SLBP: variants seen among roughly 807,000 people sequenced by gnomAD.
SLBP encodes the protein stem-loop histone mRNA binding protein, also known as histone RNA hairpin-binding protein.
Under a neutral mutation model 39.2 loss-of-function variants are expected in SLBP, and 29 were observed. That is an observed-to-expected ratio of 0.74 (90% confidence interval 0.55 to 1.01). The LOEUF is 1.01. Ranked by LOEUF, SLBP falls within the 50% of genes least tolerant of loss-of-function variation. The pLI is 0.00. For missense variants in SLBP, 390 were observed against 350.2 expected (o/e 1.11, Z -0.91); for synonymous variants, 129 against 118.7 (o/e 1.09, Z -0.57).
At chr4:1,709,362 T>C (rs527296749) in intron 2 of SLBP, among the ~76,000 whole-genome samples, 12 of 152,346 alleles carry the variant, frequency 7.9e-5, no homozygotes, top group African/African-American at 2.9e-4. Flanking sequence ...AGCCTCCTAA[T>C]TGCCATCATG....
intron 2 of SLBP, among the ~76,000 whole-genome samples, chr4:1,706,338 A>G (rs1267674104): frequency 6.6e-6 from 1 of 152,218 alleles, no homozygotes; most frequent in Non-Finnish European, 1.5e-5. Flanking sequence ...GGGCGCATGT[A>G]ATTAATAATT....
chr4:1,702,463 A>AG (rs1416284598), intron 3 of SLBP, among the ~76,000 whole-genome samples: 2 of 152,352 alleles, frequency 1.3e-5, no homozygotes, highest in East Asian at 3.9e-4. Context: ...CAGGTAGTCT[A>AG]GGTATCGTTC....
intron 7 of SLBP, among the ~76,000 whole-genome samples, chr4:1,694,039 CT>C (rs1376333119): frequency 1.3e-5 from 2 of 152,228 alleles, no homozygotes; most frequent in Admixed American, 6.5e-5. Context: ...CAAATAGTGG[CT>C]GTCTCAGGAC....
At chr4:1,701,151 T>TTC (rs1484321728) in intron 3 of SLBP, among the ~76,000 whole-genome samples, 2 of 147,652 alleles carry the variant, frequency 1.4e-5, no homozygotes, top group East Asian at 2.0e-4. Flanking sequence ...TTTTTCTTTT[T>TTC]TTTTTTTTTT....
chr4:1,704,550 C>T (rs146740047), intron 2 of SLBP, among the ~76,000 whole-genome samples: 7 of 152,224 alleles, frequency 4.6e-5, no homozygotes, highest in East Asian at 1.9e-4. Flanking sequence ...TAACAAAGCC[C>T]GAGTTTCACA....
At chr4:1,695,914 T>G (rs1033437510) in intron 6 of SLBP, among the ~76,000 whole-genome samples, 2 of 152,204 alleles carry the variant, frequency 1.3e-5, no homozygotes, top group Non-Finnish European at 2.9e-5. Flanking sequence ...ATTGTAATTT[T>G]TAGGGGAAAA....
chr4:1,710,925 C>T (rs1347495257), intron 2 of SLBP, among the ~76,000 whole-genome samples: 2 of 151,946 alleles, frequency 1.3e-5, no homozygotes, highest in Non-Finnish European at 2.9e-5. Flanking sequence ...GTGGCATGCG[C>T]CTGTAATCCT....
intron 7 of SLBP, 124 bp from the exon 8 acceptor site, chr4:1,693,837 C>T (rs1431177681): frequency 1.6e-5 from 11 of 669,980 alleles, no homozygotes; most frequent in African/African-American, 7.1e-5. Flanking sequence ...GTACACTTCA[C>T]GTGCAACTGA....
At position 1,712,150 on chromosome 4, in the gene SLBP, GCT is replaced by G; in HGVS notation, c.37_38del (p.Ser13ProfsTer5). On this transcript the variant is annotated frameshift_variant, in exon 1 of 8. Transcript: ENST00000489418. LOFTEE classifies it high-confidence loss of function. ...CRPRSPPRHQSRCDGDASPPS... is the reference protein window; with the variant it reads ...CRPRSPPRHQXRCDGDASPPS... Reference sequence around the variant, plus strand: ...CTCACCTGGCGTCACCGTCGCAGCGGCTCTGATGCCTCGGCGGGCTTCGCGGG... The same window carrying G: ...CTCACCTGGCGTCACCGTCGCAGCGGCTGATGCCTCGGCGGGCTTCGCGGG... 8.1e-7 allele frequency: 1 copy of G among 1,235,790 alleles called. No individual in the cohort carries two copies. Among genetic ancestry groups the G allele is most frequent in the Non-Finnish European group, 1.0e-6 (1 of 992,100 alleles). The allele number at this position is 1,235,790 out of a possible 1,614,324, so 76.6% of individuals were successfully genotyped here.
At chr4:1,712,029 C>T (rs754559998) in intron 1 of SLBP, 39 bp from the exon 2 acceptor site, 29 of 1,257,084 alleles carry the variant, frequency 2.3e-5, no homozygotes, top group Non-Finnish European at 2.7e-5. Context: ...ACGGGAGGTT[C>T]GGGACCGCCT....
chr4:1,700,078 C>A lies in SLBP; in HGVS notation c.282-8G>T, dbSNP rs773093804. On this transcript the variant is annotated splice_region_variant and splice_polypyrimidine_tract_variant and intron_variant, in intron 3 of 7. Coordinates refer to ENST00000489418, the MANE Select transcript of SLBP (RefSeq NM_006527.4). The stretch of plus-strand genomic sequence containing the variant: ...AGGAGTTTCCTTTTATATCTGAGGG[C>A]AAAATAAATATTGCTGTTTTTAAAA... 8 of 1,574,520 alleles carry A rather than the reference C, an allele frequency of 5.1e-6. No individual in the cohort carries two copies. The highest frequency in any genetic ancestry group is 7.0e-6 in the Non-Finnish European group (8 of 1,150,140).
At chr4:1,706,771 G>T (rs1217684553) in intron 2 of SLBP, among the ~76,000 whole-genome samples, 2 of 148,832 alleles carry the variant, frequency 1.3e-5, no homozygotes, top group Non-Finnish European at 1.5e-5. Flanking sequence ...CGGAGTTGCA[G>T]TGAGCCGAGA....
In SLBP at chr4:1,694,449, T is replaced by C. The variant is rs541293798; in HGVS notation, c.696+325A>G. Reference sequence around the variant, plus strand: ...CTCTGTTGCCCAGGCTGGAGTGCAATGGCGCCATCTCAGCTCACTGCAACC... The same window carrying C: ...CTCTGTTGCCCAGGCTGGAGTGCAACGGCGCCATCTCAGCTCACTGCAACC... On this transcript the variant is annotated intron_variant, in intron 7 of 7. Transcript: ENST00000489418. 2.4e-4 allele frequency among the ~76,000 whole-genome samples: 37 copies of C among 151,180 alleles called. No homozygotes were observed. In the South Asian group the frequency reaches 7.7e-3, roughly 32 times the overall value.
rs1337375510 is a variant in SLBP, at chr4:1,712,193, G to A, written c.-5C>T. On this transcript the variant is annotated 5_prime_UTR_variant, in exon 1 of 8. Transcript: ENST00000489418. ...GCTTCGCGGGCGGCAGGCCATGGCAGCACGGGCCGGGCGCGCAGCGCAGGG... is the reference window on the plus strand; with the variant it reads ...GCTTCGCGGGCGGCAGGCCATGGCAACACGGGCCGGGCGCGCAGCGCAGGG... 4 of 1,245,626 alleles carry A rather than the reference G, an allele frequency of 3.2e-6. No individual in the cohort carries two copies. Among genetic ancestry groups the A allele is most frequent in the Non-Finnish European group, 4.0e-6 (4 of 999,740 alleles). The allele number at this position is 1,245,626 out of a possible 1,614,324, so 77.2% of individuals were successfully genotyped here. A position where few individuals can be genotyped will look rare whatever the true frequency, so the allele number is the denominator to read the frequency against.
rs1254832114 is a variant in SLBP at position 1,712,271 on chromosome 4, A to G, written c.-83T>C. On this transcript the variant is annotated 5_prime_UTR_variant, in exon 1 of 8. Coordinates refer to ENST00000489418, the MANE Select transcript of SLBP (RefSeq NM_006527.4). Reference sequence around the variant, plus strand: ...CAGAGAGCGCAGAGTAGAGCAGGGCAGGGCCTGAGGCAGAAACCCGCGTCC... The same window carrying G: ...CAGAGAGCGCAGAGTAGAGCAGGGCGGGGCCTGAGGCAGAAACCCGCGTCC... 3.4e-6 allele frequency: 3 copies of G among 872,120 alleles called. No individual in the cohort carries two copies. Among genetic ancestry groups the G allele is most frequent in the Non-Finnish European group, 4.7e-6 (3 of 638,946 alleles). 54.0% of individuals were successfully genotyped at this position (872,120 alleles called of 1,614,324 possible). A position where few individuals can be genotyped will look rare whatever the true frequency, so the allele number is the denominator to read the frequency against.
At position 1,711,911 on chromosome 4, in the gene SLBP, C is replaced by T; in HGVS notation, c.139G>A (p.Glu47Lys). The stretch of plus-strand genomic sequence containing the variant: ...CGCTCGGCGCCGCGGTGCTCTGCCT[C>T]CTCGGCGTCTTCGGGCCTCCAGCGC... Reference protein sequence around the residue: ...GRRWRPEDAEEAEHRGAERRP... With the variant: ...GRRWRPEDAEKAEHRGAERRP... The change falls in exon 2 of 8, where the codon GAG becomes AAG. Residue 47 changes from glutamate to lysine, a missense_variant. Transcript: ENST00000489418. 7.3e-7 allele frequency: 1 copy of T among 1,367,038 alleles called. No homozygotes were observed. The highest frequency in any genetic ancestry group is 9.4e-7 in the Non-Finnish European group (1 of 1,059,094). The allele number at this position is 1,367,038 out of a possible 1,614,324, so 84.7% of individuals were successfully genotyped here.
intron 2 of SLBP, among the ~76,000 whole-genome samples, chr4:1,708,634 C>T (rs1390247731): frequency 6.6e-6 from 1 of 152,166 alleles, no homozygotes; most frequent in Non-Finnish European, 1.5e-5. Flanking sequence ...TGTGAATGAC[C>T]ATATACTACA....
At chr4:1,699,785 C>G (rs978550479) in intron 4 of SLBP, 84 bp from the exon 5 acceptor site, 1 of 1,314,036 alleles carries the variant, frequency 7.6e-7, no homozygotes, top group Non-Finnish European at 1.1e-6. Flanking sequence ...TGTCAAAACA[C>G]AATAATGGAA....
chr4:1,701,954 G>T (rs1355365426), intron 3 of SLBP, among the ~76,000 whole-genome samples: 3 of 152,122 alleles, frequency 2.0e-5, no homozygotes, highest in East Asian at 1.9e-4. Context: ...ATCACAAAGG[G>T]TATAATCAAC....
Sources: allele counts gnomAD v4.1 joint callset (sites outside exome capture counted in the v4.1 genomes callset), GRCh38; gene constraint gnomAD v4.1.1; transcripts MANE v1.5; gene names NCBI Gene and HGNC (gene_info 2026-07-23, HGNC 2026-07-21).